PITPNB: variants seen among roughly 807,000 people sequenced by gnomAD.
PITPNB encodes phosphatidylinositol transfer protein beta isoform.
Under a neutral mutation model 45.9 loss-of-function variants are expected in PITPNB, and 16 were observed. That is an observed-to-expected ratio of 0.35 (90% CI 0.24 to 0.53). The LOEUF (loss-of-function observed/expected upper bound fraction) is 0.53, where lower values mean the gene tolerates loss of function less well. Ranked by LOEUF, PITPNB falls within the 20% of genes least tolerant of loss-of-function variation. The probability of loss-of-function intolerance (pLI) is 0.93; values close to 1 mark genes in which losing one functional copy is unlikely to be tolerated. For missense variants in PITPNB, 188 were observed against 330.5 expected (o/e 0.57, Z 3.34); for synonymous variants, 112 against 108.9 (o/e 1.03, Z -0.18).
At chr22:27,881,002 C>A (rs1014720411) in intron 7 of PITPNB, among the ~76,000 whole-genome samples, 6 of 152,228 alleles carry the variant, frequency 3.9e-5, no homozygotes, top group African/African-American at 1.2e-4. Context: ...GGGCACTATC[C>A]AACCATGCCT....
At chr22:27,889,747 C>T (rs1463287223) in intron 7 of PITPNB, among the ~76,000 whole-genome samples, 1 of 152,194 alleles carries the variant, frequency 6.6e-6, no homozygotes, top group Non-Finnish European at 1.5e-5. Flanking sequence ...TCGACAGCTA[C>T]CACAGTGCTG....
intron 8 of PITPNB, among the ~76,000 whole-genome samples, chr22:27,868,726 A>G (rs897146417): frequency 3.3e-5 from 5 of 152,200 alleles, no homozygotes; most frequent in Admixed American, 1.3e-4. Flanking sequence ...AAAAACCACC[A>G]TAATTTCTGG....
At chr22:27,888,108 A>G (rs1464897523) in intron 7 of PITPNB, among the ~76,000 whole-genome samples, 1 of 152,248 alleles carries the variant, frequency 6.6e-6, no homozygotes, top group Non-Finnish European at 1.5e-5. Flanking sequence ...CCCTTTTAAT[A>G]TAACAAATGG....
In PITPNB at chr22:27,896,684, C is replaced by T. The variant is rs181509646; in HGVS notation, c.298-58G>A. The T allele has an allele frequency of 1.6e-3, 1,784 of 1,147,792 alleles. 1 individual carries two copies. Among genetic ancestry groups the T allele is most frequent in the Non-Finnish European group, 1.5e-3 (1,107 of 760,498 alleles). 71.1% of individuals were successfully genotyped at this position (1,147,792 alleles called of 1,614,324 possible). On this transcript the variant is annotated intron_variant, in intron 5 of 11. Coordinates refer to ENST00000335272, the MANE Select transcript of PITPNB (RefSeq NM_012399.5). The stretch of plus-strand genomic sequence containing the variant: ...TCTTCTACCTGTTCCTTGGTGCCCA[C>T]GTCTGAGGGAGCTTTTCCCAGTATA...
chr22:27,908,063 C>T (rs1935814608), intron 3 of PITPNB, among the ~76,000 whole-genome samples: 1 of 151,738 alleles, frequency 6.6e-6, no homozygotes, highest in South Asian at 2.1e-4. Context: ...AATAACCTCT[C>T]CGGAATAAGA....
rs1380531492 is a variant in PITPNB, at chr22:27,914,362, G to A, written c.21-15C>T. 6.5e-7 allele frequency: 1 copy of A among 1,530,286 alleles called. No individual in the cohort carries two copies. The highest frequency in any genetic ancestry group is 9.0e-7 in the Non-Finnish European group (1 of 1,109,864). 94.8% of individuals were successfully genotyped at this position (1,530,286 alleles called of 1,614,324 possible). On this transcript the variant is annotated splice_polypyrimidine_tract_variant and intron_variant, in intron 1 of 11. Coordinates refer to ENST00000335272, the MANE Select transcript of PITPNB (RefSeq NM_012399.5). ...AAACCACACGGCTAAAAAGACAAAA[G>A]AAAAAATATATATATTACATATGAA... is the stretch of plus-strand genomic sequence containing the variant.
At chr22:27,907,752 GTGGGA>G (rs1935806146) in intron 3 of PITPNB, among the ~76,000 whole-genome samples, 1 of 152,164 alleles carries the variant, frequency 6.6e-6, no homozygotes, top group Non-Finnish European at 1.5e-5. Flanking sequence ...TGATGTGGGT[GTGGGA>G]TTTGAAATCA....
chr22:27,892,644 T>C (rs565514091), intron 7 of PITPNB, among the ~76,000 whole-genome samples: 2 of 152,272 alleles, frequency 1.3e-5, no homozygotes, highest in Admixed American at 1.3e-4. Flanking sequence ...CATCATTCTT[T>C]CACATATAGT....
chr22:27,912,670 C>T (rs1324433813), intron 2 of PITPNB, among the ~76,000 whole-genome samples: 2 of 151,412 alleles, frequency 1.3e-5, no homozygotes, highest in African/African-American at 2.4e-5. Context: ...GAAATAGACA[C>T]AGAAGGCATG....
In PITPNB at chr22:27,873,829, C is replaced by CA. The variant is rs781710821; in HGVS notation, c.457-15dup. On this transcript the variant is annotated splice_polypyrimidine_tract_variant and intron_variant, in intron 7 of 11. Transcript: ENST00000335272. ...AGCTTTGTAGTCCTGCAAAGCAAAA[C>CA]AAAGTCAGAGGCAGAGAAGAAAACC... is the stretch of plus-strand genomic sequence containing the variant. 4 of 1,578,914 alleles carry CA rather than the reference C, an allele frequency of 2.5e-6. 1 individual carries two copies. In the South Asian group the frequency reaches 4.4e-5, roughly 17 times the overall value.
chr22:27,860,150 A>C lies in PITPNB; in HGVS notation c.626T>G (p.Val209Gly). The change falls in exon 9 of 12, where the codon GTA (valine) becomes GGA (glycine). Residue 209 changes from valine (V) to glycine (G), a missense_variant. Transcript: ENST00000335272. ...KFKWWGLQSKVENFIQKQEKR... is the reference protein window; with the variant it reads ...KFKWWGLQSKGENFIQKQEKR... The stretch of plus-strand genomic sequence containing the variant: ...TTTTACCTTTTGAATGAAGTTTTCT[A>C]CTTTGCTTTGCAGTCCCCACCACTT... 1 of 1,609,860 alleles carries C rather than the reference A, an allele frequency of 6.2e-7. No homozygotes were observed. The highest frequency in any genetic ancestry group is 1.1e-5 in the South Asian group (1 of 90,958).
intron 3 of PITPNB, among the ~76,000 whole-genome samples, chr22:27,904,515 T>C (rs888632585): frequency 8.5e-5 from 13 of 152,250 alleles, no homozygotes; most frequent in South Asian, 2.1e-4. Flanking sequence ...GATTTCTTTC[T>C]GGATTGTTGA....
chr22:27,909,686 C>G (rs1374376794), intron 3 of PITPNB, among the ~76,000 whole-genome samples: 2 of 152,306 alleles, frequency 1.3e-5, no homozygotes, highest in African/African-American at 2.4e-5. Context: ...TTAAAAGGTG[C>G]ATGTCCTCCC....
intron 3 of PITPNB, among the ~76,000 whole-genome samples, chr22:27,898,651 T>C (rs948861094): frequency 1.3e-5 from 2 of 152,080 alleles, no homozygotes; most frequent in Non-Finnish European, 2.9e-5. Flanking sequence ...TGAAGAAAAA[T>C]GACAATGTAA....
chr22:27,895,257 A>T (rs1452176427), intron 6 of PITPNB, among the ~76,000 whole-genome samples: 1 of 152,220 alleles, frequency 6.6e-6, no homozygotes, highest in Non-Finnish European at 1.5e-5. Context: ...ACACCAAATA[A>T]TCTTATCTAG....
rs1326355407 is a variant in PITPNB at position 27,904,274 on chromosome 22, G to T, written c.198-6382C>A. ...TGAATGGATAAACAAAATGTGGCAG[G>T]CCTATACAATGGAATATTACTCAGC... On this transcript the variant is annotated intron_variant, in intron 3 of 11. Coordinates refer to ENST00000335272, the MANE Select transcript of PITPNB (RefSeq NM_012399.5). Among the ~76,000 whole-genome samples, 8 of 152,184 alleles carry T rather than the reference G, an allele frequency of 5.3e-5. No homozygotes were observed. In the South Asian group the frequency reaches 1.7e-3, roughly 32 times the overall value.
intron 8 of PITPNB, among the ~76,000 whole-genome samples, chr22:27,867,948 C>T (rs959813687): frequency 6.6e-6 from 1 of 151,756 alleles, no homozygotes. Context: ...ATACTATGTG[C>T]TATATATTTA....
intron 3 of PITPNB, among the ~76,000 whole-genome samples, chr22:27,905,501 A>G: frequency 6.6e-6 from 1 of 152,200 alleles, no homozygotes; most frequent in Non-Finnish European, 1.5e-5. Context: ...AGTATGTTAC[A>G]ATCAATCCTT....
At chr22:27,888,678 C>A (rs1421207302) in intron 7 of PITPNB, among the ~76,000 whole-genome samples, 1 of 152,192 alleles carries the variant, frequency 6.6e-6, no homozygotes, top group East Asian at 1.9e-4. Flanking sequence ...TGAAATTCAG[C>A]AGAGAGGAAG....
Sources: gnomAD v4.1 joint callset for allele counts (sites outside exome capture counted in the v4.1 genomes callset) on GRCh38, gnomAD v4.1.1 for gene constraint, MANE v1.5 for transcripts, NCBI Gene and HGNC (gene_info 2026-07-23, HGNC 2026-07-21) for gene names.